The following ZNF462 variants were observed in gnomAD, a reference collection of about 807,000 sequenced individuals.
The protein encoded by ZNF462 is zinc finger PBX1-interacting protein.
Under a neutral mutation model 201.9 loss-of-function variants are expected in ZNF462, and 10 were observed. That is an observed-to-expected ratio of 0.05 (90% CI 0.03 to 0.08). The LOEUF is 0.08. Among genes scored for constraint, ZNF462 ranks in the 10% least tolerant of loss-of-function variants. ZNF462 has a pLI of 1.00. For synonymous variants in ZNF462, 1,227 were observed against 1,193.3 expected (o/e 1.03, Z -0.58); for missense variants, 2,523 against 3,168.3 (o/e 0.80, Z 4.89).
rs973031050 is a variant in ZNF462, at chr9:106,902,132, A to T, written c.-30-21222A>T. 1.6e-4 allele frequency among the ~76,000 whole-genome samples: 25 copies of T among 152,016 alleles called. No individual in the cohort carries two copies. Among genetic ancestry groups the T allele is most frequent in the African/African-American group, 6.0e-4 (25 of 41,406 alleles). Reference sequence around the variant, plus strand: ...TGCCAAGCGTTTTAATCATAAAGGGATGCTGGATTTTGTCGAATGCTTTTT... The same window carrying T: ...TGCCAAGCGTTTTAATCATAAAGGGTTGCTGGATTTTGTCGAATGCTTTTT... On this transcript the variant is annotated intron_variant, in intron 1 of 12. Coordinates refer to ENST00000277225, the MANE Select transcript of ZNF462 (RefSeq NM_021224.6). This position sits in a 1 kb window ranked among gnomAD's most constrained non-coding sequence, Gnocchi z 4.2.
rs183870717 is a variant in ZNF462 at position 106,903,144 on chromosome 9, C to A, written c.-30-20210C>A. 2.0e-5 allele frequency among the ~76,000 whole-genome samples: 3 copies of A among 152,012 alleles called. No individual in the cohort carries two copies. The East Asian group carries it at 5.8e-4, about 29-fold the overall frequency. ...TTTTGATAGGTTGTGTCATTAAGTT[C>A]GAAGAATTTTTAAATTTCCATCTTG... On this transcript the variant is annotated intron_variant, in intron 1 of 12. Transcript: ENST00000277225.
rs1251077831 is a variant in ZNF462, at chr9:106,935,757, A to ATT, written c.6235+140_6235+141dup. The ATT allele has an allele frequency of 2.1e-5, 13 of 613,032 alleles. No homozygotes were observed. The highest frequency in any genetic ancestry group is 3.4e-5 in the Non-Finnish European group (13 of 381,894). 38.0% of individuals were successfully genotyped at this position (613,032 alleles called of 1,614,324 possible). On this transcript the variant is annotated intron_variant, in intron 6 of 12. Coordinates refer to ENST00000277225, the MANE Select transcript of ZNF462 (RefSeq NM_021224.6). The surrounding 1 kb of genome is among the most constrained non-coding windows in gnomAD (Gnocchi z 4.1). The stretch of plus-strand genomic sequence containing the variant: ...TTGGGATGGATGTATATTCAGTTTT[A>ATT]TTTTTACCTAGTAAAGAAAAAATAA...
Position 106,927,519 on chromosome 9 carries a change from C to A in ZNF462, c.3607C>A (p.Arg1203=). The change falls in exon 3 of 13, where the codon CGG becomes AGG. Residue 1203 remains arginine (R), a synonymous_variant. Transcript: ENST00000277225. ...TTGCCAGCACTGTGATTATGGGAAC[C>A]GGACGGTCAAAGGGGTACTCATTCA... ...FFCQHCDYGN[R]TVKGVLIHYQ... 6.2e-7 allele frequency: 1 copy of A among 1,613,858 alleles called. No individual in the cohort carries two copies. The highest frequency in any genetic ancestry group is 1.1e-5 in the South Asian group (1 of 91,028).
chr9:106,982,064 G>A (rs1827476039), intron 9 of ZNF462, among the ~76,000 whole-genome samples: 1 of 152,192 alleles, frequency 6.6e-6, no homozygotes, highest in East Asian at 1.9e-4. Flanking sequence ...AGGTCTAAAG[G>A]CATATCCCCA....
At chr9:106,973,957 A>G (rs1200911426) in intron 8 of ZNF462, among the ~76,000 whole-genome samples, 180 bp from the exon 9 acceptor site, 3 of 152,048 alleles carry the variant, frequency 2.0e-5, no homozygotes, top group Non-Finnish European at 4.4e-5. Flanking sequence ...GACAGTGTTC[A>G]GATTCGGTTG....
chr9:106,902,874 G>T lies in ZNF462; in HGVS notation c.-30-20480G>T, dbSNP rs566868852. 1.5e-4 allele frequency among the ~76,000 whole-genome samples: 23 copies of T among 151,998 alleles called. No homozygotes were observed. Among genetic ancestry groups the T allele is most frequent in the Non-Finnish European group, 3.1e-4 (21 of 67,920 alleles). ...TTTTATTTATCTTCTCAAAGAACCA[G>T]CTTTTGTTTCATTTATCTTTTGTGT... On this transcript the variant is annotated intron_variant, in intron 1 of 12. Coordinates refer to ENST00000277225, the MANE Select transcript of ZNF462 (RefSeq NM_021224.6). This position sits in a 1 kb window ranked among gnomAD's most constrained non-coding sequence, Gnocchi z 4.2.
intron 10 of ZNF462, among the ~76,000 whole-genome samples, chr9:106,992,067 GA>G: frequency 6.6e-6 from 1 of 151,940 alleles, no homozygotes; most frequent in East Asian, 1.9e-4. Context: ...CAACAGACTA[GA>G]AGCAAATATT....
chr9:106,892,243 C>T (rs6477549), intron 1 of ZNF462, among the ~76,000 whole-genome samples: 65,523 of 152,046 alleles, frequency 0.43, 15,752 homozygotes, highest in African/African-American at 0.66. Flanking sequence ...AATGTTCCCT[C>T]TGAGGTCCTT....
At chr9:106,904,631 ATTCTTT>A in intron 1 of ZNF462, among the ~76,000 whole-genome samples, 1 of 151,972 alleles carries the variant, frequency 6.6e-6, no homozygotes, top group Non-Finnish European at 1.5e-5. Context: ...ATATTTTCTT[ATTCTTT>A]TTCTTTGTCT....
chr9:107,003,567 A>G lies in ZNF462; in HGVS notation c.7189+141A>G, dbSNP rs1164989930. On this transcript the variant is annotated intron_variant, in intron 11 of 12. Transcript: ENST00000277225. This position sits in a 1 kb window ranked among gnomAD's most constrained non-coding sequence, Gnocchi z 4.4. ...AGTAGCAGAACAGACTGACTTAGAA[A>G]ACACATCAAGAGCTGTGTCTTTGTA... 2.7e-6 allele frequency: 3 copies of G among 1,100,456 alleles called. No individual in the cohort carries two copies. In the African/African-American group the frequency reaches 4.8e-5, roughly 18 times the overall value. 68.2% of individuals were successfully genotyped at this position (1,100,456 alleles called of 1,614,324 possible).
At chr9:106,911,029 CT>C (rs1163076050) in intron 1 of ZNF462, among the ~76,000 whole-genome samples, 12 of 152,172 alleles carry the variant, frequency 7.9e-5, no homozygotes, top group Admixed American at 7.9e-4. Flanking sequence ...GTAAAATACT[CT>C]GATTCTTTCC....
chr9:107,009,769 T>C lies in ZNF462; in HGVS notation c.7313+101T>C. The C allele has an allele frequency of 6.6e-7, 1 of 1,514,526 alleles. No homozygotes were observed. Among genetic ancestry groups the C allele is most frequent in the Non-Finnish European group, 8.9e-7 (1 of 1,118,792 alleles). The allele number at this position is 1,514,526 out of a possible 1,614,324, so 93.8% of individuals were successfully genotyped here. A position where few individuals can be genotyped will look rare whatever the true frequency, so the allele number is the denominator to read the frequency against. On this transcript the variant is annotated intron_variant, in intron 12 of 12. Coordinates refer to ENST00000277225, the MANE Select transcript of ZNF462 (RefSeq NM_021224.6). The surrounding 1 kb of genome is among the most constrained non-coding windows in gnomAD (Gnocchi z 6.1). Reference sequence around the variant, plus strand: ...TCCCCTGACAGTATGTACACCCCTCTGTGTCACATTTCTGGGCCGTGGGAG... The same window carrying C: ...TCCCCTGACAGTATGTACACCCCTCCGTGTCACATTTCTGGGCCGTGGGAG...
At chr9:106,957,084 G>T (rs1450293437) in intron 7 of ZNF462, among the ~76,000 whole-genome samples, 1 of 152,126 alleles carries the variant, frequency 6.6e-6, no homozygotes. Context: ...AAGAGGCCTG[G>T]TTTTCATCGT....
Position 106,919,298 on chromosome 9 carries a change from C to T in ZNF462, c.-30-4056C>T, listed in dbSNP as rs1230956642. Among the ~76,000 whole-genome samples the T allele has an allele frequency of 2.0e-5, 3 of 152,170 alleles. No homozygotes were observed. Among genetic ancestry groups the T allele is most frequent in the Admixed American group, 6.5e-5 (1 of 15,282 alleles). On this transcript the variant is annotated intron_variant, in intron 1 of 12. Transcript: ENST00000277225. The surrounding 1 kb of genome is among the most constrained non-coding windows in gnomAD (Gnocchi z 4.5). ...GTACAATGTCAACACCTCCCCGCTC[C>T]GGTTACGTCTGAGCAGTGAGTTGGA...
At position 106,923,291 on chromosome 9, in the gene ZNF462, C is replaced by T; in HGVS notation, c.-30-63C>T. ...TTTCCCATTAATGGATATATAGCCC[C>T]ATCAGCTCGAGGTATGTGATTAGTG... On this transcript the variant is annotated intron_variant, in intron 1 of 12. Coordinates refer to ENST00000277225, the MANE Select transcript of ZNF462 (RefSeq NM_021224.6). The surrounding 1 kb of genome is among the most constrained non-coding windows in gnomAD (Gnocchi z 5.6). 8.1e-7 allele frequency: 1 copy of T among 1,237,048 alleles called. No individual in the cohort carries two copies. The highest frequency in any genetic ancestry group is 1.2e-6 in the Non-Finnish European group (1 of 846,720). 76.6% of individuals were successfully genotyped at this position (1,237,048 alleles called of 1,614,324 possible). A position where few individuals can be genotyped will look rare whatever the true frequency, so the allele number is the denominator to read the frequency against.
intron 10 of ZNF462, among the ~76,000 whole-genome samples, chr9:107,000,162 C>T (rs908811488): frequency 6.6e-6 from 1 of 151,984 alleles, no homozygotes; most frequent in Non-Finnish European, 1.5e-5. Flanking sequence ...GAGGCATAGA[C>T]TCCTCGAGGG....
In ZNF462 at chr9:106,925,949, C is replaced by T. The variant is rs764654217; in HGVS notation, c.2037C>T (p.Leu679=). ...NNFVAKASRK[L]ANDFPLDLSP... is the part of the protein sequence containing the mutation. ...TTGTAGCTAAAGCCTCTAGGAAGCT[C>T]GCCAATGACTTTCCTCTAGATTTGT... Residue 679 remains leucine, a synonymous_variant, in exon 3 of 13, where the codon CTC becomes CTT. Coordinates refer to ENST00000277225, the MANE Select transcript of ZNF462 (RefSeq NM_021224.6). This position sits in a 1 kb window ranked among gnomAD's most constrained non-coding sequence, Gnocchi z 7.9. 1.7e-5 allele frequency: 28 copies of T among 1,613,986 alleles called. No individual in the cohort carries two copies. Among genetic ancestry groups the T allele is most frequent in the Middle Eastern group, 1.6e-4 (1 of 6,084 alleles).
At chr9:106,864,314 AGAG>A (rs934819231) in intron 1 of ZNF462, among the ~76,000 whole-genome samples, 4 of 151,516 alleles carry the variant, frequency 2.6e-5, no homozygotes, top group African/African-American at 4.9e-5. Context: ...CGGTTTCTGG[AGAG>A]GAGAAGCCAT....
At position 106,966,668 on chromosome 9, in the gene ZNF462, T is replaced by A. The variant is rs1213318056; in HGVS notation, c.6428-5337T>A. Among the ~76,000 whole-genome samples, 1 of 152,150 alleles carries A rather than the reference T, an allele frequency of 6.6e-6. No homozygotes were observed. Among genetic ancestry groups the A allele is most frequent in the Non-Finnish European group, 1.5e-5 (1 of 68,000 alleles). ...GAGTTGCTTGAGGTCAAGGCTCAAGTCTTACTGTCCCAGAACAGGGTCTCC... is the reference window on the plus strand; with the variant it reads ...GAGTTGCTTGAGGTCAAGGCTCAAGACTTACTGTCCCAGAACAGGGTCTCC... On this transcript the variant is annotated intron_variant, in intron 7 of 12. Transcript: ENST00000277225. The surrounding 1 kb of genome is among the most constrained non-coding windows in gnomAD (Gnocchi z 4.4).
Sources: gnomAD v4.1 joint callset for allele counts (sites outside exome capture counted in the v4.1 genomes callset) on GRCh38, gnomAD v4.1.1 for gene constraint, Gnocchi (gnomAD v3.1) non-coding constraint, MANE v1.5 for transcripts, NCBI Gene and HGNC (gene_info 2026-07-23, HGNC 2026-07-21) for gene names.